The following RGS17 variants were observed in gnomAD, a reference collection of about 807,000 sequenced individuals.
RGS17 encodes the protein regulator of G protein signaling 17, also known as regulator of G-protein signaling 17.
A neutral mutation model predicts 25.5 loss-of-function variants in RGS17; 12 were observed. That is an observed-to-expected ratio of 0.47 (90% CI 0.30 to 0.76). RGS17 has a LOEUF of 0.76. RGS17 is among the 30% of genes least tolerant of loss of function. RGS17 has a pLI of 0.07. For missense variants in RGS17, 196 were observed against 242.2 expected (o/e 0.81, Z 1.27); for synonymous variants, 71 against 76.9 (o/e 0.92, Z 0.40).
intron 1 of RGS17, among the ~76,000 whole-genome samples, chr6:153,128,700 TTTA>T (rs1054458399): frequency 2.0e-5 from 3 of 151,876 alleles, no homozygotes; most frequent in Non-Finnish European, 2.9e-5. Context: ...TTAAGGAAGG[TTTA>T]TTATTATTAT....
chr6:153,026,401 T>C, intron 3 of RGS17, 53 bp downstream of exon 3: 1 of 1,314,596 alleles, frequency 7.6e-7, no homozygotes, highest in Non-Finnish European at 1.1e-6. Context: ...ACGCAGTTGA[T>C]GTAAATGGCA....
At chr6:153,077,133 A>T (rs1584146346) in intron 1 of RGS17, among the ~76,000 whole-genome samples, 1 of 152,222 alleles carries the variant, frequency 6.6e-6, no homozygotes, top group Non-Finnish European at 1.5e-5. Flanking sequence ...ATTTAACTTG[A>T]ATATCACCAA....
At chr6:153,022,304 A>G (rs73634665) in intron 4 of RGS17, among the ~76,000 whole-genome samples, 3,602 of 152,308 alleles carry the variant, frequency 0.024, 132 homozygotes, top group African/African-American at 0.081. Context: ...AACTCTAAAC[A>G]TGCCTCAAAA....
intron 2 of RGS17, among the ~76,000 whole-genome samples, chr6:153,032,579 A>G (rs993132404): frequency 6.6e-6 from 1 of 152,106 alleles, no homozygotes; most frequent in Non-Finnish European, 1.5e-5. Flanking sequence ...TATTTGAAAA[A>G]AAAAAAAAAA....
chr6:153,022,498 A>C (rs969732571), intron 4 of RGS17, among the ~76,000 whole-genome samples: 1 of 152,184 alleles, frequency 6.6e-6, no homozygotes, highest in African/African-American at 2.4e-5. Flanking sequence ...TGGAACAGTC[A>C]TCATTTTAAG....
intron 1 of RGS17, among the ~76,000 whole-genome samples, chr6:153,078,222 C>G (rs1335312347): frequency 1.3e-5 from 2 of 152,160 alleles, no homozygotes; most frequent in African/African-American, 4.8e-5. Flanking sequence ...AGCCTCTCTA[C>G]TTTGTGCTTC....
chr6:153,106,179 G>A (rs1777381418), intron 1 of RGS17, among the ~76,000 whole-genome samples: 1 of 152,084 alleles, frequency 6.6e-6, no homozygotes, highest in East Asian at 1.9e-4. Flanking sequence ...GTATGAGAAG[G>A]AAAGGGGTTA....
At chr6:153,027,822 T>C (rs1410213136) in intron 2 of RGS17, among the ~76,000 whole-genome samples, 1 of 152,170 alleles carries the variant, frequency 6.6e-6, no homozygotes, top group African/African-American at 2.4e-5. Flanking sequence ...ATAGACCACT[T>C]ACTATGTGAA....
In RGS17 at chr6:153,026,454, C is replaced by T. The variant is rs1779302701; in HGVS notation, c.209G>A (p.Cys70Tyr). ...KMESIQVLEE[C>Y]QNPTAEEVLS... ...ATAGCTATGTGGTTCTCACACTCAC[C>T]ATTCCTCTAGGACCTGGATACTCTC... The change falls in exon 3 of 5, where the codon TGC (cysteine) becomes TAC (tyrosine). Residue 70 changes from cysteine (C) to tyrosine (Y), a missense_variant and splice_region_variant. By Grantham distance (194) the Cys-to-Tyr change is radical. Coordinates refer to ENST00000206262, the MANE Select transcript of RGS17 (RefSeq NM_012419.5). 6.2e-7 allele frequency: 1 copy of T among 1,608,732 alleles called. No individual in the cohort carries two copies. The highest frequency in any genetic ancestry group is 8.5e-7 in the Non-Finnish European group (1 of 1,175,844).
chr6:153,042,195 C>T (rs1776330474), intron 2 of RGS17, among the ~76,000 whole-genome samples: 1 of 152,204 alleles, frequency 6.6e-6, no homozygotes, highest in African/African-American at 2.4e-5. Context: ...ATATTTACTT[C>T]ATCTCAAACT....
chr6:153,083,934 T>A (rs1321492595), intron 1 of RGS17, among the ~76,000 whole-genome samples: 10 of 152,218 alleles, frequency 6.6e-5, no homozygotes, highest in Non-Finnish European at 1.5e-4. Flanking sequence ...ATATTAAAAA[T>A]CATTGTAAAT....
intron 1 of RGS17, among the ~76,000 whole-genome samples, chr6:153,102,516 G>A (rs116927433): frequency 0.027 from 4,118 of 152,178 alleles, 77 homozygotes; most frequent in Middle Eastern, 0.065. Flanking sequence ...ATCTCATCTC[G>A]TGTTGAGGGA....
At chr6:153,048,010 TC>T (rs2129111332) in intron 1 of RGS17, among the ~76,000 whole-genome samples, 1 of 152,322 alleles carries the variant, frequency 6.6e-6, no homozygotes, top group South Asian at 2.1e-4. Flanking sequence ...CTCTATCACT[TC>T]TTTGATGAAC....
intron 2 of RGS17, among the ~76,000 whole-genome samples, chr6:153,033,699 C>G (rs1776187422): frequency 6.6e-6 from 1 of 151,870 alleles, no homozygotes; most frequent in African/African-American, 2.4e-5. Flanking sequence ...GCTTGGGCTA[C>G]AGAGTGAGAC....
In RGS17 at chr6:153,024,511, C is replaced by T. The variant is rs780274886; in HGVS notation, c.210-15G>A. 65 of 1,588,840 alleles carry T rather than the reference C, an allele frequency of 4.1e-5. No individual in the cohort carries two copies. Among genetic ancestry groups the T allele is most frequent in the South Asian group, 4.4e-5 (4 of 90,476 alleles). On this transcript the variant is annotated splice_polypyrimidine_tract_variant and intron_variant, in intron 3 of 4. Coordinates refer to ENST00000206262, the MANE Select transcript of RGS17 (RefSeq NM_012419.5). ...TGGGGTTTTGGCTGCAGAGACAGAA[C>T]GGGGCCGTGATCAAAGGGAACTTTG...
intron 1 of RGS17, among the ~76,000 whole-genome samples, chr6:153,062,730 A>G (rs1454489677): frequency 6.6e-6 from 1 of 151,974 alleles, no homozygotes; most frequent in Non-Finnish European, 1.5e-5. Flanking sequence ...CAAAATAGAT[A>G]CCTTCTTTCC....
Position 153,011,544 on chromosome 6 carries a change from C to G in RGS17, c.*30G>C. ...TAACTACTTTTATTTCCCATCTCAG[C>G]CCTCCAAAATGATTGTTTTTAAATG... On this transcript the variant is annotated 3_prime_UTR_variant, in exon 5 of 5. Coordinates refer to ENST00000206262, the MANE Select transcript of RGS17 (RefSeq NM_012419.5). 6.8e-7 allele frequency: 1 copy of G among 1,466,932 alleles called. No individual in the cohort carries two copies. Among genetic ancestry groups the G allele is most frequent in the Non-Finnish European group, 9.4e-7 (1 of 1,059,488 alleles). The allele number at this position is 1,466,932 out of a possible 1,614,324, so 90.9% of individuals were successfully genotyped here. A position where few individuals can be genotyped will look rare whatever the true frequency, so the allele number is the denominator to read the frequency against.
Position 153,024,433 on chromosome 6 carries a change from G to A in RGS17, c.273C>T (p.Ala91=). The change falls in exon 4 of 5, where the codon GCC becomes GCT. Residue 91 remains alanine (A), a synonymous_variant. Transcript: ENST00000206262. ...CTCTGAAAAGGTTTCTTCCTGCTGG[G>A]GCCTTCATCATCTTGTCAAAATTTT... ...WSQNFDKMMK[A]PAGRNLFREF... The A allele has an allele frequency of 6.2e-7, 1 of 1,614,026 alleles. No individual in the cohort carries two copies. Among genetic ancestry groups the A allele is most frequent in the Non-Finnish European group, 8.5e-7 (1 of 1,179,986 alleles).
intron 1 of RGS17, among the ~76,000 whole-genome samples, chr6:153,089,216 G>T (rs1055645440): frequency 1.2e-3 from 181 of 149,752 alleles, no homozygotes; most frequent in African/African-American, 4.3e-3. Context: ...AATGTGCATA[G>T]GTATATATGT....
Sources: gnomAD v4.1 joint callset for allele counts (sites outside exome capture counted in the v4.1 genomes callset) on GRCh38, gnomAD v4.1.1 for gene constraint, MANE v1.5 for transcripts, NCBI Gene and HGNC (gene_info 2026-07-23, HGNC 2026-07-21) for gene names.